The following LRP1B variants were observed in gnomAD, a reference collection of about 807,000 sequenced individuals.
LRP1B encodes the protein low-density lipoprotein receptor-related protein 1B.
A neutral mutation model predicts 556.6 loss-of-function variants in LRP1B; 217 were observed. That is an observed-to-expected ratio of 0.39 (90% CI 0.35 to 0.44). LRP1B has a LOEUF of 0.44. Ranked by LOEUF, LRP1B falls within the 20% of genes least tolerant of loss-of-function variation. LRP1B has a pLI of 1.00. For missense variants in LRP1B, 5,053 were observed against 5,620.8 expected (o/e 0.90, Z 3.23); for synonymous variants, 2,047 against 1,865.8 (o/e 1.10, Z -2.50).
chr2:141,501,936 A>T lies in LRP1B; in HGVS notation c.206-21403T>A, dbSNP rs564855693. ...TGGCTTTTTTTTTTCCTGTCTGTCA[A>T]ATGTTGAAAAGAAGGCACTGTGGAG... On this transcript the variant is annotated intron_variant, in intron 2 of 90. Coordinates refer to ENST00000389484, the MANE Select transcript of LRP1B (RefSeq NM_018557.3). Among the ~76,000 whole-genome samples, 24 of 152,184 alleles carry T rather than the reference A, an allele frequency of 1.6e-4. No homozygotes were observed. The East Asian group carries it at 4.3e-3, about 27-fold the overall frequency.
At chr2:141,128,278 C>T (rs1201422832) in intron 7 of LRP1B, among the ~76,000 whole-genome samples, 1 of 152,162 alleles carries the variant, frequency 6.6e-6, no homozygotes, top group African/African-American at 2.4e-5. Context: ...TAGTTGGAAA[C>T]CAAGTAACAG....
intron 32 of LRP1B, among the ~76,000 whole-genome samples, chr2:140,806,972 T>C (rs1021051203): frequency 1.3e-5 from 2 of 152,204 alleles, no homozygotes; most frequent in African/African-American, 4.8e-5. Flanking sequence ...GCTCTCAAAC[T>C]GCATATGCAG....
Position 141,055,172 on chromosome 2 carries a change from C to T in LRP1B, c.1496G>A (p.Arg499Gln), listed in dbSNP as rs768625188. The part of the protein sequence containing the change: ...ICLLSSSYKT[R>Q]TCRCRTGFNL... ...GAAGCCAGTCCTGCAGCGACAAGTC[C>T]GAGTTTTGTAACTGCTGCTGAGTAG... The change falls in exon 10 of 91, where the codon CGG becomes CAG. Residue 499 changes from arginine (R) to glutamine (Q), a missense_variant. Physicochemically the swap from Arg to Gln is conservative, Grantham distance 43 (BLOSUM62 1). Coordinates refer to ENST00000389484, the MANE Select transcript of LRP1B (RefSeq NM_018557.3). 20 of 1,612,236 alleles carry T rather than the reference C, an allele frequency of 1.2e-5. No individual in the cohort carries two copies. Among genetic ancestry groups the T allele is most frequent in the Admixed American group, 6.7e-5 (4 of 59,776 alleles).
At chr2:141,545,458 AC>A (rs1459604406) in intron 2 of LRP1B, among the ~76,000 whole-genome samples, 1 of 152,200 alleles carries the variant, frequency 6.6e-6, no homozygotes, top group Admixed American at 6.5e-5. Flanking sequence ...GGCAAAAGGA[AC>A]CTTACAGATG....
Position 141,933,914 on chromosome 2 carries a change from T to C in LRP1B, c.83-123513A>G, listed in dbSNP as rs564121467. ...CATTAAAAAATAATCAGCCAATCAG[T>C]GAACTCATAATAACACAAGTCATCA... On this transcript the variant is annotated intron_variant, in intron 1 of 90. Transcript: ENST00000389484. 1.8e-3 allele frequency among the ~76,000 whole-genome samples: 267 copies of C among 152,082 alleles called. 1 individual carries two copies. The highest frequency in any genetic ancestry group is 3.1e-3 in the Admixed American group (48 of 15,260).
intron 72 of LRP1B, among the ~76,000 whole-genome samples, chr2:140,361,341 CATATATATATATAT>C (rs67208978): frequency 0.1 from 3,066 of 30,748 alleles, 251 homozygotes; most frequent in African/African-American, 0.16. Context: ...ACTTGGAAAG[CATATATATATATAT>C]ATATATATAT....
intron 41 of LRP1B, among the ~76,000 whole-genome samples, chr2:140,652,512 C>T (rs915663418): frequency 7.2e-5 from 11 of 151,934 alleles, no homozygotes; most frequent in African/African-American, 2.4e-4. Context: ...TAACTATACT[C>T]ATTTGAGCTC....
chr2:140,543,693 T>C (rs995192043), intron 43 of LRP1B, among the ~76,000 whole-genome samples: 1 of 151,778 alleles, frequency 6.6e-6, no homozygotes, highest in Non-Finnish European at 1.5e-5. Flanking sequence ...AATAAATAAA[T>C]AAAATAAAAA....
intron 1 of LRP1B, among the ~76,000 whole-genome samples, chr2:141,915,829 T>G (rs1018571940): frequency 2.6e-5 from 4 of 152,160 alleles, no homozygotes; most frequent in African/African-American, 9.7e-5. Context: ...ATATAAAAAA[T>G]GCTCAACATC....
At chr2:140,458,277 T>G (rs1236385538) in intron 60 of LRP1B, among the ~76,000 whole-genome samples, 1 of 152,144 alleles carries the variant, frequency 6.6e-6, no homozygotes, top group Non-Finnish European at 1.5e-5. Flanking sequence ...TTATGCAAAT[T>G]TAATAGTCAT....
At chr2:140,993,889 A>AATCTGC (rs1697162798) in intron 16 of LRP1B, 106 bp downstream of exon 16, 2 of 1,145,224 alleles carry the variant, frequency 1.7e-6, no homozygotes, top group Admixed American at 4.4e-5. Context: ...AACTAGGTTC[A>AATCTGC]ATCTGCATCA....
At chr2:141,042,504 C>T (rs1474406) in intron 11 of LRP1B, among the ~76,000 whole-genome samples, 95,318 of 151,970 alleles carry the variant, frequency 0.63, 32,736 homozygotes, top group Non-Finnish European at 0.75. Context: ...CATCCATGAA[C>T]GTGTAGCAGG....
intron 35 of LRP1B, among the ~76,000 whole-genome samples, chr2:140,730,383 A>T (rs75398608): frequency 6.6e-6 from 1 of 152,172 alleles, no homozygotes; most frequent in Non-Finnish European, 1.5e-5. Context: ...ATAGCATCCA[A>T]ACTTTTTTGA....
chr2:140,926,236 T>A (rs115352929), intron 20 of LRP1B, among the ~76,000 whole-genome samples: 1 of 152,096 alleles, frequency 6.6e-6, no homozygotes, highest in African/African-American at 2.4e-5. Flanking sequence ...GATTCTCTAA[T>A]AATGCACATA....
chr2:141,784,714 A>G (rs1232927040), intron 2 of LRP1B, among the ~76,000 whole-genome samples: 3 of 151,916 alleles, frequency 2.0e-5, no homozygotes, highest in African/African-American at 7.2e-5. Context: ...CATGTGCATT[A>G]TATAATAAGC....
In LRP1B at chr2:140,950,388, C is replaced by T; in HGVS notation, c.2983G>A (p.Asp995Asn). ...WHCDSDDDCG[D>N]GSDEVGCVHS... The stretch of plus-strand genomic sequence containing the variant: ...ACACAGCCCACCTCATCACTCCCGT[C>T]CCCACAGTCGTCATCTGGAAAGAAA... Residue 995 changes from aspartate to asparagine, a missense_variant, in exon 20 of 91, where the codon GAC becomes AAC. Transcript: ENST00000389484. 6.2e-7 allele frequency: 1 copy of T among 1,605,134 alleles called. No individual in the cohort carries two copies. Among genetic ancestry groups the T allele is most frequent in the Non-Finnish European group, 8.5e-7 (1 of 1,176,978 alleles).
intron 3 of LRP1B, among the ~76,000 whole-genome samples, chr2:141,437,015 C>G (rs1024909430): frequency 2.0e-5 from 3 of 152,076 alleles, no homozygotes; most frequent in African/African-American, 7.2e-5. Flanking sequence ...TGCTAACTCC[C>G]ATTAATGGAA....
At chr2:140,979,243 C>T (rs1190799795) in intron 18 of LRP1B, among the ~76,000 whole-genome samples, 3 of 152,062 alleles carry the variant, frequency 2.0e-5, no homozygotes, top group Admixed American at 2.0e-4. Context: ...TCTCCCAAAG[C>T]GCTGGAATTA....
intron 3 of LRP1B, among the ~76,000 whole-genome samples, chr2:141,323,489 A>T (rs534918173): frequency 1.3e-5 from 2 of 152,208 alleles, no homozygotes; most frequent in East Asian, 1.9e-4. Flanking sequence ...TGTAAGATTA[A>T]TTTTTTCCAT....
Sources: allele counts gnomAD v4.1 joint callset (sites outside exome capture counted in the v4.1 genomes callset), GRCh38; gene constraint gnomAD v4.1.1; transcripts MANE v1.5; gene names NCBI Gene and HGNC (gene_info 2026-07-23, HGNC 2026-07-21).